The following FBXO16 variants were observed in gnomAD, a reference collection of about 807,000 sequenced individuals.
FBXO16 encodes the protein F-box only protein 16.
A neutral mutation model predicts 41.0 loss-of-function variants in FBXO16; 31 were observed. That is an observed-to-expected ratio of 0.76 (90% CI 0.57 to 1.02). The LOEUF (loss-of-function observed/expected upper bound fraction) is 1.02. Among genes scored for constraint, FBXO16 ranks in the 50% least tolerant of loss-of-function variants. The pLI is 0.00. For missense variants in FBXO16, 361 were observed against 346.2 expected (o/e 1.04, Z -0.34); for synonymous variants, 133 against 117.8 (o/e 1.13, Z -0.84).
At chr8:28,463,438 ATG>A (rs142017078) in intron 4 of FBXO16, among the ~76,000 whole-genome samples, 172 bp downstream of exon 4, 6,441 of 150,864 alleles carry the variant, frequency 0.043, 176 homozygotes, top group African/African-American at 0.067. Flanking sequence ...GTATATGTGT[ATG>A]TGTGTGTTTA....
chr8:28,479,242 T>C (rs1421401378), intron 2 of FBXO16, among the ~76,000 whole-genome samples: 1 of 152,178 alleles, frequency 6.6e-6, no homozygotes, highest in African/African-American at 2.4e-5. Flanking sequence ...GAGACCTCAC[T>C]GAGACTGCAT....
At chr8:28,481,132 A>C (rs1803505573) in intron 2 of FBXO16, among the ~76,000 whole-genome samples, 1 of 152,156 alleles carries the variant, frequency 6.6e-6, no homozygotes. Context: ...CTGAGGTCAG[A>C]TCATGAAAGA....
At chr8:28,451,732 C>T (rs1016376331) in intron 6 of FBXO16, among the ~76,000 whole-genome samples, 2 of 151,860 alleles carry the variant, frequency 1.3e-5, no homozygotes, top group African/African-American at 4.8e-5. Context: ...CCTGTAATCC[C>T]AGCACTTTAG....
Position 28,452,401 on chromosome 8 carries a change from G to C in FBXO16, c.583C>G (p.Pro195Ala), listed in dbSNP as rs778914888. 6.2e-7 allele frequency: 1 copy of C among 1,614,066 alleles called. No individual in the cohort carries two copies. Among genetic ancestry groups the C allele is most frequent in the African/African-American group, 1.3e-5 (1 of 74,920 alleles). ...TSNSPEEKQS[P>A]LSAFRSSSSL... ...GAAGAGGACCGAAAAGCTGATAAAGGGGACTGTTTTTCCTCTGGAGAATTG... is the reference window on the plus strand; with the variant it reads ...GAAGAGGACCGAAAAGCTGATAAAGCGGACTGTTTTTCCTCTGGAGAATTG... The change falls in exon 6 of 9, where the codon CCT becomes GCT. Residue 195 changes from proline (P) to alanine (A), a missense_variant. Transcript: ENST00000380254.
chr8:28,458,591 T>C (rs997319527), intron 4 of FBXO16, among the ~76,000 whole-genome samples: 1 of 145,926 alleles, frequency 6.9e-6, no homozygotes, highest in Non-Finnish European at 1.5e-5. Context: ...TTGCCCTTGT[T>C]GCCCAGGCTG....
At chr8:28,458,228 C>A (rs751894996) in intron 4 of FBXO16, among the ~76,000 whole-genome samples, 2 of 152,198 alleles carry the variant, frequency 1.3e-5, no homozygotes, top group Non-Finnish European at 2.9e-5. Context: ...CTTCCACCCA[C>A]CATTTATTGA....
At chr8:28,460,223 G>GTATATATATATATATATATA (rs1408340610) in intron 4 of FBXO16, among the ~76,000 whole-genome samples, 1 of 89,784 alleles carries the variant, frequency 1.1e-5, no homozygotes, top group Non-Finnish European at 1.9e-5. Flanking sequence ...ATATATGTGT[G>GTATATATATATATATATATA]TGTATATATA....
intron 1 of FBXO16, among the ~76,000 whole-genome samples, chr8:28,487,735 C>G (rs1424773973): frequency 6.6e-6 from 1 of 152,006 alleles, no homozygotes; most frequent in Non-Finnish European, 1.5e-5. Context: ...ATAATTGTCC[C>G]CACTTAATCA....
chr8:28,472,101 T>G (rs1276368564), intron 3 of FBXO16, among the ~76,000 whole-genome samples: 4 of 152,126 alleles, frequency 2.6e-5, no homozygotes, highest in African/African-American at 9.7e-5. Flanking sequence ...ATTTTGGGGT[T>G]TGTTTGTTTT....
At chr8:28,462,383 A>T (rs929442057) in intron 4 of FBXO16, among the ~76,000 whole-genome samples, 1 of 147,454 alleles carries the variant, frequency 6.8e-6, no homozygotes, top group Non-Finnish European at 1.5e-5. Flanking sequence ...GGTTCACGCC[A>T]TTCTCCTGCC....
At chr8:28,473,684 G>T in intron 3 of FBXO16, 88 bp downstream of exon 3, 1 of 1,092,960 alleles carries the variant, frequency 9.1e-7, no homozygotes. Context: ...TTATTTATAA[G>T]CCACCCAGTC....
At chr8:28,446,837 A>C (rs1585897776) in intron 7 of FBXO16, 1 of 162,382 alleles carries the variant, frequency 6.2e-6, no homozygotes, top group African/African-American at 2.4e-5. Context: ...ATGCCATTGC[A>C]CTCCAGCCAG....
At chr8:28,460,177 A>G (rs775644094) in intron 4 of FBXO16, among the ~76,000 whole-genome samples, 8 of 148,470 alleles carry the variant, frequency 5.4e-5, no homozygotes, top group African/African-American at 7.5e-5. Flanking sequence ...TTTCTGGTAT[A>G]TAATTCCAGA....
intron 1 of FBXO16, among the ~76,000 whole-genome samples, chr8:28,483,845 A>T (rs904793057): frequency 3.9e-5 from 6 of 152,158 alleles, no homozygotes; most frequent in African/African-American, 1.4e-4. Flanking sequence ...ACCTCAAAAA[A>T]AACAATACTA....
chr8:28,456,786 G>T lies in FBXO16; in HGVS notation c.487C>A (p.Leu163Ile), dbSNP rs374769902. Residue 163 changes from leucine (L) to isoleucine (I), a missense_variant, in exon 5 of 9, where the codon CTT (leucine) becomes ATT (isoleucine). By Grantham distance (5) the Leu-to-Ile change is conservative. Coordinates refer to ENST00000380254, the MANE Select transcript of FBXO16 (RefSeq NM_172366.4). Reference protein sequence around the residue: ...KKHYIQMVKELHITKPKTPPK... With the variant: ...KKHYIQMVKEIHITKPKTPPK... ...TTCACCTTAGGCTTGGTAATATGAA[G>T]TTCTTTCACCATTTGAATATAGTGC... 37 of 1,613,900 alleles carry T rather than the reference G, an allele frequency of 2.3e-5. No individual in the cohort carries two copies. Among genetic ancestry groups the T allele is most frequent in the Non-Finnish European group, 3.1e-5 (36 of 1,179,988 alleles).
rs139896375 is a variant in FBXO16 at position 28,449,417 on chromosome 8, G to A, written c.741-2144C>T. Among the ~76,000 whole-genome samples, 1,059 of 150,436 alleles carry A rather than the reference G, an allele frequency of 7.0e-3. 17 individuals are homozygous for A. The highest frequency in any genetic ancestry group is 0.024 in the African/African-American group (982 of 40,862). On this transcript the variant is annotated intron_variant, in intron 6 of 8. Transcript: ENST00000380254. ...GCTCATTGCAGCCTCCACTTCCTGG[G>A]CTCAAGCAATCTTCCCATTTCAACC...
At chr8:28,433,694 T>C (rs1293405096) in intron 7 of FBXO16, among the ~76,000 whole-genome samples, 2 of 152,218 alleles carry the variant, frequency 1.3e-5, no homozygotes, top group African/African-American at 2.4e-5. Flanking sequence ...ATACCAATGC[T>C]TCCTTCTTCT....
chr8:28,486,706 G>C (rs1005344214), intron 1 of FBXO16, among the ~76,000 whole-genome samples: 1 of 151,938 alleles, frequency 6.6e-6, no homozygotes, highest in Admixed American at 6.6e-5. Context: ...GTGCACGCCT[G>C]TGGTCCCAGC....
intron 2 of FBXO16, among the ~76,000 whole-genome samples, chr8:28,479,412 C>G (rs1803476728): frequency 6.6e-6 from 1 of 152,172 alleles, no homozygotes; most frequent in African/African-American, 2.4e-5. Flanking sequence ...TTGCAAGAGG[C>G]ATTCAGGCAA....
Sources: gnomAD v4.1 joint callset for allele counts (sites outside exome capture counted in the v4.1 genomes callset) on GRCh38, gnomAD v4.1.1 for gene constraint, MANE v1.5 for transcripts, NCBI Gene and HGNC (gene_info 2026-07-23, HGNC 2026-07-21) for gene names.